SPTLC3: variants seen among roughly 807,000 people sequenced by gnomAD.
The protein encoded by SPTLC3 is serine palmitoyltransferase long chain base subunit 3, also known as serine palmitoyltransferase 3.
A neutral mutation model predicts 59.3 loss-of-function variants in SPTLC3; 36 were observed. The observed-to-expected ratio is 0.61, with a 90% CI of 0.47 to 0.80. The LOEUF (loss-of-function observed/expected upper bound fraction) is 0.80. SPTLC3 is among the 30% of genes least tolerant of loss of function. SPTLC3 has a pLI of 0.00. For synonymous variants in SPTLC3, 257 were observed against 240.8 expected (o/e 1.07, Z -0.62); for missense variants, 625 against 685.1 (o/e 0.91, Z 0.98).
chr20:13,107,856 T>C (rs1600289339), intron 6 of SPTLC3, among the ~76,000 whole-genome samples: 2 of 152,084 alleles, frequency 1.3e-5, no homozygotes, highest in East Asian at 3.9e-4. Flanking sequence ...CTATATCTAA[T>C]ACCTAAGGCT....
chr20:13,072,579 G>A (rs1988485314), intron 3 of SPTLC3, among the ~76,000 whole-genome samples, 169 bp downstream of exon 3: 2 of 152,172 alleles, frequency 1.3e-5, no homozygotes. Context: ...GCACAGTAAA[G>A]TAATCAAGCA....
At chr20:13,121,370 G>A (rs140416566) in intron 8 of SPTLC3, among the ~76,000 whole-genome samples, 1 of 152,294 alleles carries the variant, frequency 6.6e-6, no homozygotes, top group Non-Finnish European at 1.5e-5. Context: ...AGTGAGCTCT[G>A]CCCTGCACAC....
chr20:13,028,933 C>CA (rs1225070325), intron 1 of SPTLC3, among the ~76,000 whole-genome samples: 3 of 152,160 alleles, frequency 2.0e-5, no homozygotes, highest in Admixed American at 2.0e-4. Context: ...CAGGTATAGT[C>CA]ACTTGCCCAA....
intron 6 of SPTLC3, among the ~76,000 whole-genome samples, chr20:13,097,623 G>A (rs1448395690): frequency 1.3e-5 from 2 of 152,100 alleles, no homozygotes; most frequent in Non-Finnish European, 1.5e-5. Flanking sequence ...TCAGTGAGGG[G>A]CAGATGGACC....
intron 4 of SPTLC3, among the ~76,000 whole-genome samples, chr20:13,079,185 T>C (rs1194791577): frequency 6.6e-6 from 1 of 152,182 alleles, no homozygotes; most frequent in African/African-American, 2.4e-5. Context: ...ATTGTAATTA[T>C]ATTAATTCTT....
chr20:13,056,264 AG>A, intron 2 of SPTLC3, among the ~76,000 whole-genome samples: 1 of 152,256 alleles, frequency 6.6e-6, no homozygotes, highest in East Asian at 1.9e-4. Flanking sequence ...TGAGGTCCAG[AG>A]CAATAGTCAA....
chr20:13,153,645 G>A (rs1039854858), intron 9 of SPTLC3, among the ~76,000 whole-genome samples: 6 of 152,172 alleles, frequency 3.9e-5, no homozygotes, highest in Non-Finnish European at 7.3e-5. Context: ...AAGTGGTTAT[G>A]TTCCTTCTTA....
intron 8 of SPTLC3, among the ~76,000 whole-genome samples, chr20:13,125,577 T>A (rs1199804188): frequency 6.6e-6 from 1 of 152,182 alleles, no homozygotes; most frequent in Non-Finnish European, 1.5e-5. Flanking sequence ...GCTAAGGAGT[T>A]CTTTTGGTCT....
chr20:13,110,527 C>T (rs528014245), intron 7 of SPTLC3, among the ~76,000 whole-genome samples: 2 of 152,274 alleles, frequency 1.3e-5, no homozygotes, highest in South Asian at 2.1e-4. Context: ...GTTTCAAAGG[C>T]GTTTCGCAGC....
intron 1 of SPTLC3, among the ~76,000 whole-genome samples, chr20:13,010,278 A>G (rs1167089247): frequency 6.6e-6 from 1 of 152,102 alleles, no homozygotes; most frequent in Admixed American, 6.5e-5. Context: ...TCCTGTTTGG[A>G]AAGAGAAGTG....
At chr20:13,092,632 G>C (rs952113834) in intron 5 of SPTLC3, among the ~76,000 whole-genome samples, 1 of 152,102 alleles carries the variant, frequency 6.6e-6, no homozygotes, top group Non-Finnish European at 1.5e-5. Context: ...GAGGCTTATA[G>C]ATAACTCCTA....
intron 4 of SPTLC3, among the ~76,000 whole-genome samples, chr20:13,082,140 A>G (rs1988860858): frequency 1.3e-5 from 2 of 152,342 alleles, no homozygotes; most frequent in South Asian, 2.1e-4. Context: ...TTGCCAGCAA[A>G]GTGATATCTG....
At chr20:13,124,943 A>G (rs1244731633) in intron 8 of SPTLC3, among the ~76,000 whole-genome samples, 2 of 152,228 alleles carry the variant, frequency 1.3e-5, no homozygotes, top group East Asian at 1.9e-4. Flanking sequence ...AGGAAGACAT[A>G]GCGAAGACAC....
chr20:13,051,718 A>G (rs1987499547), intron 2 of SPTLC3, among the ~76,000 whole-genome samples: 1 of 152,200 alleles, frequency 6.6e-6, no homozygotes, highest in Non-Finnish European at 1.5e-5. Context: ...ATTTAGGAAA[A>G]TTGAAATAAT....
At chr20:13,028,463 G>A (rs1030991153) in intron 1 of SPTLC3, among the ~76,000 whole-genome samples, 15 of 151,878 alleles carry the variant, frequency 9.9e-5, no homozygotes, top group Admixed American at 2.0e-4. Context: ...TATCACTATC[G>A]TCCATAAATT....
At chr20:13,146,188 T>C (rs1455374903) in intron 9 of SPTLC3, among the ~76,000 whole-genome samples, 2 of 152,036 alleles carry the variant, frequency 1.3e-5, no homozygotes, top group East Asian at 3.9e-4. Context: ...TAAAACCAAA[T>C]ACCACATGTT....
At chr20:13,155,683 G>A (rs755874733) in intron 10 of SPTLC3, among the ~76,000 whole-genome samples, 14 of 151,710 alleles carry the variant, frequency 9.2e-5, no homozygotes, top group Non-Finnish European at 1.2e-4. Context: ...AAAACTAGCC[G>A]GGCGTGGTGG....
In SPTLC3 at chr20:13,168,614, C is replaced by A. The variant is rs779097114; in HGVS notation, c.*3747C>A. On this transcript the variant is annotated 3_prime_UTR_variant, in exon 12 of 12. Coordinates refer to ENST00000399002, the MANE Select transcript of SPTLC3 (RefSeq NM_018327.4). Reference sequence around the variant, plus strand: ...AACAGTTCTTCAAACGAACAATATTCTTTTGTATTTTTCTTCAGAGATAGC... The same window carrying A: ...AACAGTTCTTCAAACGAACAATATTATTTTGTATTTTTCTTCAGAGATAGC... 1 of 152,150 alleles carries A rather than the reference C, an allele frequency of 6.6e-6. No individual in the cohort carries two copies. Among genetic ancestry groups the A allele is most frequent in the South Asian group, 2.1e-4 (1 of 4,828 alleles). The allele number at this position is 152,150 out of a possible 1,614,324, so 9.4% of individuals were successfully genotyped here.
chr20:13,055,329 G>A (rs1028406607), intron 2 of SPTLC3, among the ~76,000 whole-genome samples: 9 of 151,938 alleles, frequency 5.9e-5, no homozygotes, highest in Non-Finnish European at 1.0e-4. Context: ...GGTCCTAGTA[G>A]AGCTGACAAT....
Sources: allele counts gnomAD v4.1 joint callset (sites outside exome capture counted in the v4.1 genomes callset), GRCh38; gene constraint gnomAD v4.1.1; transcripts MANE v1.5; gene names NCBI Gene and HGNC (gene_info 2026-07-23, HGNC 2026-07-21).